KCNK9: variants seen among roughly 807,000 people sequenced by gnomAD.
KCNK9 encodes potassium channel subfamily K member 9.
Under a neutral mutation model 10.8 loss-of-function variants are expected in KCNK9, and 1 was observed. That is an observed-to-expected ratio of 0.09 (90% CI 0.03 to 0.44). The LOEUF is 0.44. KCNK9 is among the 20% of genes least tolerant of loss of function. The pLI is 0.97. For synonymous variants in KCNK9, 231 were observed against 222.7 expected (o/e 1.04, Z -0.33); for missense variants, 303 against 515.0 (o/e 0.59, Z 3.98).
intron 1 of KCNK9, among the ~76,000 whole-genome samples, chr8:139,623,618 C>T (rs1293875749): frequency 6.6e-6 from 1 of 152,110 alleles, no homozygotes; most frequent in Non-Finnish European, 1.5e-5. Flanking sequence ...TGGATTTTCC[C>T]TCTAGGACTC....
chr8:139,604,806 G>A (rs1817450982), intron 2 of KCNK9, among the ~76,000 whole-genome samples: 1 of 152,238 alleles, frequency 6.6e-6, no homozygotes, highest in Non-Finnish European at 1.5e-5. Flanking sequence ...GAGCAGGTAA[G>A]CAGGGAAAGA....
chr8:139,619,782 G>C (rs1224355995), intron 1 of KCNK9, among the ~76,000 whole-genome samples: 1 of 152,192 alleles, frequency 6.6e-6, no homozygotes, highest in Non-Finnish European at 1.5e-5. Context: ...TGAATCAAGA[G>C]AGGCAATTGT....
intron 1 of KCNK9, among the ~76,000 whole-genome samples, chr8:139,680,897 C>T (rs1473348778): frequency 5.3e-5 from 8 of 152,168 alleles, no homozygotes; most frequent in Admixed American, 4.6e-4. Context: ...TGGTCCTGCC[C>T]AGCAGCCTGG....
In KCNK9 at chr8:139,617,215, C is replaced by G. The variant is rs1461505995; in HGVS notation, c.*1043G>C. ...GCCACATACTAATACCCATTCTCAC[C>G]CAAGCATTCCAACACTATAATTCTT... On this transcript the variant is annotated 3_prime_UTR_variant, in exon 2 of 2. Coordinates refer to ENST00000520439, the MANE Select transcript of KCNK9 (RefSeq NM_001282534.2). 2.0e-5 allele frequency among the ~76,000 whole-genome samples: 3 copies of G among 152,152 alleles called. No homozygotes were observed. The highest frequency in any genetic ancestry group is 4.4e-5 in the Non-Finnish European group (3 of 68,030).
At chr8:139,665,666 C>G (rs1563742499) in intron 1 of KCNK9, among the ~76,000 whole-genome samples, 1 of 152,322 alleles carries the variant, frequency 6.6e-6, no homozygotes, top group East Asian at 1.9e-4. Context: ...CACCACCCAC[C>G]CTGCTCCTGA....
At chr8:139,695,119 A>C (rs1817020333) in intron 1 of KCNK9, among the ~76,000 whole-genome samples, 1 of 152,242 alleles carries the variant, frequency 6.6e-6, no homozygotes, top group Non-Finnish European at 1.5e-5. Flanking sequence ...CTCAGGTATC[A>C]ATGCCAGGGT....
At chr8:139,638,624 T>A (rs957097536) in intron 1 of KCNK9, among the ~76,000 whole-genome samples, 1 of 152,224 alleles carries the variant, frequency 6.6e-6, no homozygotes, top group Admixed American at 6.5e-5. Context: ...CTGAGCCAAG[T>A]GCCAGCTGCT....
chr8:139,608,694 G>A (rs371306610), downstream of KCNK9, among the ~76,000 whole-genome samples: 45 of 152,222 alleles, frequency 3.0e-4, no homozygotes, highest in South Asian at 8.3e-4. Context: ...ACTGCACGCC[G>A]TACCCAGCTC....
At chr8:139,633,351 G>A (rs1036557667) in intron 1 of KCNK9, among the ~76,000 whole-genome samples, 1 of 152,044 alleles carries the variant, frequency 6.6e-6, no homozygotes, top group Admixed American at 6.5e-5. Flanking sequence ...CTTGTAAAAG[G>A]CCTAGAATGC....
intron 1 of KCNK9, among the ~76,000 whole-genome samples, chr8:139,699,480 C>T (rs1817146103): frequency 6.6e-6 from 1 of 152,170 alleles, no homozygotes; most frequent in African/African-American, 2.4e-5. Context: ...AGGGTACCTA[C>T]GAGGGTCTCC....
Position 139,690,156 on chromosome 8 carries a change from A to G in KCNK9, c.283+12554T>C, listed in dbSNP as rs565666173. On this transcript the variant is annotated intron_variant, in intron 1 of 1. Transcript: ENST00000520439. ...AGGTGAAAAGACACTGTATGTAACA[A>G]CATAGTTAGCACAGACTCTGAAGTC... 1.7e-3 allele frequency among the ~76,000 whole-genome samples: 257 copies of G among 152,358 alleles called. 1 individual carries two copies. Among genetic ancestry groups the G allele is most frequent in the Middle Eastern group, 0.01 (3 of 294 alleles).
intron 1 of KCNK9, among the ~76,000 whole-genome samples, chr8:139,694,272 G>A (rs1817001834): frequency 6.6e-6 from 1 of 152,130 alleles, no homozygotes; most frequent in Non-Finnish European, 1.5e-5. Context: ...ACGCCCAAAT[G>A]ACCACCATCA....
intron 1 of KCNK9, among the ~76,000 whole-genome samples, chr8:139,645,349 G>A (rs956640578): frequency 1.3e-5 from 2 of 152,134 alleles, no homozygotes; most frequent in African/African-American, 4.8e-5. Flanking sequence ...GTTCTAGACG[G>A]CAGAGGCTGC....
chr8:139,610,975 C>T (rs1052234371), downstream of KCNK9, among the ~76,000 whole-genome samples: 3 of 152,272 alleles, frequency 2.0e-5, no homozygotes, highest in Non-Finnish European at 4.4e-5. Context: ...TGAGCTGTGT[C>T]TCTGCCTAAA....
chr8:139,643,336 A>C (rs1040206200), intron 1 of KCNK9, among the ~76,000 whole-genome samples: 1 of 152,060 alleles, frequency 6.6e-6, no homozygotes, highest in African/African-American at 2.4e-5. Context: ...CTATTCCCCA[A>C]CGTCCTTCAC....
At position 139,702,545 on chromosome 8, in the gene KCNK9, C is replaced by G. The variant is rs1817253349; in HGVS notation, c.283+165G>C. 6.6e-6 allele frequency among the ~76,000 whole-genome samples: 1 copy of G among 152,088 alleles called. No homozygotes were observed. Among genetic ancestry groups the G allele is most frequent in the African/African-American group, 2.4e-5 (1 of 41,446 alleles). On this transcript the variant is annotated intron_variant, in intron 1 of 1. Transcript: ENST00000520439. This position sits in a 1 kb window ranked among gnomAD's most constrained non-coding sequence, Gnocchi z 7.5. ...CCCGAAGGGTGAGGCTCGGAGGCGCCGCGGAGGGGGGGCTCCCTAGAGAGG... is the reference window on the plus strand; with the variant it reads ...CCCGAAGGGTGAGGCTCGGAGGCGCGGCGGAGGGGGGGCTCCCTAGAGAGG...
chr8:139,632,657 C>G (rs547853905), intron 1 of KCNK9, among the ~76,000 whole-genome samples: 1 of 152,290 alleles, frequency 6.6e-6, no homozygotes, highest in African/African-American at 2.4e-5. Flanking sequence ...CTCTGTTTCT[C>G]TCTCCCTGCT....
chr8:139,691,171 G>T (rs60893981), intron 1 of KCNK9, among the ~76,000 whole-genome samples: 13 of 152,126 alleles, frequency 8.5e-5, no homozygotes, highest in African/African-American at 3.1e-4. Flanking sequence ...CCCATCCCTG[G>T]AGCTGAAATG....
At chr8:139,622,500 A>G (rs1814821289) in intron 1 of KCNK9, among the ~76,000 whole-genome samples, 1 of 152,200 alleles carries the variant, frequency 6.6e-6, no homozygotes, top group Non-Finnish European at 1.5e-5. Context: ...GACTTCGGCA[A>G]CTAGCCGCAT....
Sources: allele counts gnomAD v4.1 joint callset (sites outside exome capture counted in the v4.1 genomes callset), GRCh38; gene constraint gnomAD v4.1.1; non-coding constraint Gnocchi (gnomAD v3.1); transcripts MANE v1.5; gene names NCBI Gene and HGNC (gene_info 2026-07-23, HGNC 2026-07-21).